The following RAD54B variants were observed in gnomAD, a reference collection of about 807,000 sequenced individuals.
RAD54B encodes the protein DNA repair and recombination protein RAD54B.
RAD54B carries 78 observed loss-of-function variants against 95.8 expected under a neutral mutation model. The observed-to-expected ratio is 0.81, with a 90% CI of 0.68 to 0.98. The LOEUF is 0.98. Among genes scored for constraint, RAD54B ranks in the 50% least tolerant of loss-of-function variants. The pLI is 0.00. For synonymous variants in RAD54B, 328 were observed against 354.9 expected (o/e 0.92, Z 0.85); for missense variants, 957 against 1,056.6 (o/e 0.91, Z 1.31).
intron 3 of RAD54B, among the ~76,000 whole-genome samples, chr8:94,456,549 C>G (rs1231803022): frequency 6.6e-6 from 1 of 152,080 alleles, no homozygotes. Flanking sequence ...AGAAAGCACA[C>G]AAATGAGGCA....
At chr8:94,401,153 C>T (rs566239596) in intron 6 of RAD54B, among the ~76,000 whole-genome samples, 2 of 152,132 alleles carry the variant, frequency 1.3e-5, no homozygotes, top group Non-Finnish European at 2.9e-5. Flanking sequence ...AAGGATATTA[C>T]CAAAATACAT....
At chr8:94,388,339 TTAA>T in intron 10 of RAD54B, among the ~76,000 whole-genome samples, 1 of 152,216 alleles carries the variant, frequency 6.6e-6, no homozygotes, top group East Asian at 1.9e-4. Flanking sequence ...CATTCTTTTC[TTAA>T]TAACATTTTC....
At chr8:94,396,873 G>A (rs1218092224) in intron 8 of RAD54B, among the ~76,000 whole-genome samples, 6 of 152,076 alleles carry the variant, frequency 3.9e-5, no homozygotes, top group East Asian at 1.9e-4. Context: ...TAAGAAGAGA[G>A]AGAGATACTC....
At chr8:94,396,578 TACAC>T (rs992920472) in intron 8 of RAD54B, among the ~76,000 whole-genome samples, 1 of 152,144 alleles carries the variant, frequency 6.6e-6, no homozygotes, top group African/African-American at 2.4e-5. Flanking sequence ...TAGGAATCTA[TACAC>T]AAAGAGTATA....
chr8:94,461,693 T>G (rs1310403342), intron 2 of RAD54B, among the ~76,000 whole-genome samples: 1 of 152,156 alleles, frequency 6.6e-6, no homozygotes, highest in Admixed American at 6.5e-5. Flanking sequence ...TATTAACCAT[T>G]GGTTTACATT....
At chr8:94,435,897 A>T (rs1343537103) in intron 3 of RAD54B, among the ~76,000 whole-genome samples, 1 of 152,154 alleles carries the variant, frequency 6.6e-6, no homozygotes, top group East Asian at 1.9e-4. Context: ...CTAATTAGGC[A>T]TTAACTCCCT....
chr8:94,461,258 C>T (rs1489918894), intron 2 of RAD54B, among the ~76,000 whole-genome samples: 5 of 148,370 alleles, frequency 3.4e-5, no homozygotes, highest in Admixed American at 1.4e-4. Context: ...CTGCAACCTC[C>T]GCCTCCCAGG....
At chr8:94,453,821 G>T (rs117421187) in intron 3 of RAD54B, among the ~76,000 whole-genome samples, 1 of 151,994 alleles carries the variant, frequency 6.6e-6, no homozygotes, top group Admixed American at 6.6e-5. Flanking sequence ...ATGGAGTTTT[G>T]CTCTTTTTTG....
At chr8:94,432,729 A>G (rs1196735081) in intron 3 of RAD54B, 2 of 1,378,926 alleles carry the variant, frequency 1.5e-6, no homozygotes, top group African/African-American at 2.9e-5. Flanking sequence ...GCATAATTTT[A>G]ATTTAATGTA....
At chr8:94,440,770 T>C (rs921738628) in intron 3 of RAD54B, among the ~76,000 whole-genome samples, 3 of 152,104 alleles carry the variant, frequency 2.0e-5, no homozygotes, top group Non-Finnish European at 4.4e-5. Flanking sequence ...TTTCCAACAC[T>C]ATCAGGAGAT....
intron 3 of RAD54B, among the ~76,000 whole-genome samples, chr8:94,450,621 C>A (rs1812633431): frequency 6.6e-6 from 1 of 152,176 alleles, no homozygotes; most frequent in Non-Finnish European, 1.5e-5. Flanking sequence ...AGGCTCGTGC[C>A]TGTAATCCCA....
At chr8:94,463,893 C>CAAAA (rs553168595) in intron 2 of RAD54B, among the ~76,000 whole-genome samples, 111 of 90,196 alleles carry the variant, frequency 1.2e-3, no homozygotes, top group Admixed American at 1.6e-3. Context: ...GACCCTATCT[C>CAAAA]AAAAAAAAAA....
At chr8:94,380,039 C>A in intron 12 of RAD54B, 106 bp downstream of exon 12, 1 of 1,278,342 alleles carries the variant, frequency 7.8e-7, no homozygotes. Flanking sequence ...AAAATAAGGG[C>A]TCTTTATGCA....
At chr8:94,398,442 C>T (rs891287955) in intron 8 of RAD54B, among the ~76,000 whole-genome samples, 1 of 152,032 alleles carries the variant, frequency 6.6e-6, no homozygotes, top group African/African-American at 2.4e-5. Context: ...CATATTTCCA[C>T]CCTATCAGTA....
At chr8:94,446,909 A>T (rs78194194) in intron 3 of RAD54B, among the ~76,000 whole-genome samples, 5,725 of 151,868 alleles carry the variant, frequency 0.038, 235 homozygotes, top group Admixed American at 0.11. Flanking sequence ...GTGCCAAGGG[A>T]CTCTGAAGGG....
At chr8:94,469,649 C>A (rs1007671548) in intron 1 of RAD54B, among the ~76,000 whole-genome samples, 15 of 152,154 alleles carry the variant, frequency 9.9e-5, no homozygotes, top group Non-Finnish European at 1.0e-4. Context: ...AAACATGTTG[C>A]CTTTTTCCTA....
intron 3 of RAD54B, among the ~76,000 whole-genome samples, chr8:94,417,281 T>C (rs1325707274): frequency 6.6e-6 from 1 of 152,046 alleles, no homozygotes; most frequent in Non-Finnish European, 1.5e-5. Context: ...AGGTAAAAAG[T>C]TTCTTTCTGA....
intron 3 of RAD54B, among the ~76,000 whole-genome samples, chr8:94,411,958 A>G (rs528659141): frequency 1.3e-5 from 2 of 152,232 alleles, no homozygotes; most frequent in African/African-American, 4.8e-5. Context: ...ACCATGTTAT[A>G]CAATAGATTT....
At chr8:94,439,737 A>G (rs1304612764) in intron 3 of RAD54B, among the ~76,000 whole-genome samples, 1 of 152,196 alleles carries the variant, frequency 6.6e-6, no homozygotes, top group East Asian at 1.9e-4. Flanking sequence ...CTGGTTTACA[A>G]TTGGTTGAGT....
Sources: gnomAD v4.1 joint callset for allele counts (sites outside exome capture counted in the v4.1 genomes callset) on GRCh38, gnomAD v4.1.1 for gene constraint, MANE v1.5 for transcripts, NCBI Gene and HGNC (gene_info 2026-07-23, HGNC 2026-07-21) for gene names.